The following PADI3 variants were observed in gnomAD, a reference collection of about 807,000 sequenced individuals.
The protein encoded by PADI3 is peptidyl arginine deiminase 3.
In PADI3, 53 loss-of-function variants were observed where a neutral mutation model predicts 71.5. That is an observed-to-expected ratio of 0.74 (90% CI 0.59 to 0.93). PADI3 has a LOEUF of 0.93. Among genes scored for constraint, PADI3 ranks in the 40% least tolerant of loss-of-function variants. The probability of loss-of-function intolerance (pLI) is 0.00; values close to 1 mark genes in which losing one functional copy is unlikely to be tolerated. For missense variants in PADI3, 821 were observed against 868.0 expected (o/e 0.95, Z 0.68); for synonymous variants, 361 against 347.5 (o/e 1.04, Z -0.43).
chr1:17,268,871 C>T (rs1458179072), intron 6 of PADI3, among the ~76,000 whole-genome samples: 1 of 149,318 alleles, frequency 6.7e-6, no homozygotes, highest in East Asian at 2.0e-4. Flanking sequence ...GTTCTCTACC[C>T]GTCTCTAAAT....
At position 17,276,797 on chromosome 1, in the gene PADI3, C is replaced by G. The variant is rs1408344177; in HGVS notation, c.1476C>G (p.Ser492Arg). The G allele has an allele frequency of 1.2e-6, 2 of 1,613,582 alleles. No homozygotes were observed. The highest frequency in any genetic ancestry group is 2.7e-5 in the African/African-American group (2 of 74,934). ...AGGGCTTCCGGATGCTCCTGGCCAG[C>G]CCTGGGGCCTGCTTCAAGCTCTTCC... is the stretch of plus-strand genomic sequence containing the variant. ...DGKGFRMLLA[S>R]PGACFKLFQE... The change falls in exon 13 of 16, where the codon AGC (serine) becomes AGG (arginine). Residue 492 changes from serine to arginine, a missense_variant. By Grantham distance (110) the Ser-to-Arg change is moderately radical. Transcript: ENST00000375460.
intron 9 of PADI3, among the ~76,000 whole-genome samples, chr1:17,272,422 C>A (rs996153085): frequency 2.0e-5 from 3 of 152,192 alleles, no homozygotes; most frequent in Non-Finnish European, 2.9e-5. Context: ...GGTTTAGAGC[C>A]TGGCTGTGCC....
In PADI3 at chr1:17,280,374, C is replaced by T. The variant is rs1252282738; in HGVS notation, c.1580C>T (p.Ser527Phe). The change falls in exon 14 of 16, where the codon TCC becomes TTC. Residue 527 changes from serine to phenylalanine, a missense_variant. Transcript: ENST00000375460. Reference protein sequence around the residue: ...VVDDEQVKTISINQVLSNKDL... With the variant: ...VVDDEQVKTIFINQVLSNKDL... ...GATGATGAGCAGGTCAAGACCATCTCCATCAACCAGGTGCTCTCCAATAAA... is the reference window on the plus strand; with the variant it reads ...GATGATGAGCAGGTCAAGACCATCTTCATCAACCAGGTGCTCTCCAATAAA... 1 of 1,613,890 alleles carries T rather than the reference C, an allele frequency of 6.2e-7. No individual in the cohort carries two copies. The highest frequency in any genetic ancestry group is 8.5e-7 in the Non-Finnish European group (1 of 1,179,858).
chr1:17,251,729 G>A (rs753408973), intron 1 of PADI3, among the ~76,000 whole-genome samples: 1 of 152,188 alleles, frequency 6.6e-6, no homozygotes, highest in Non-Finnish European at 1.5e-5. Flanking sequence ...TGTGTGCAAA[G>A]CATGTAACTA....
At chr1:17,274,814 C>T (rs780992324) in intron 11 of PADI3, 28 bp downstream of exon 11, 44 of 1,607,596 alleles carry the variant, frequency 2.7e-5, no homozygotes, top group African/African-American at 4.0e-5. Flanking sequence ...AATGGAGTTC[C>T]TGGGGTGGAG....
chr1:17,271,854 A>AAAAAGAG (rs1553135554), intron 9 of PADI3, among the ~76,000 whole-genome samples: 3 of 132,320 alleles, frequency 2.3e-5, no homozygotes, highest in African/African-American at 8.8e-5. Context: ...AAAAAAAAAA[A>AAAAAGAG]AGAGAGAGAG....
At chr1:17,257,760 G>C (rs1392263581) in intron 1 of PADI3, among the ~76,000 whole-genome samples, 2 of 152,184 alleles carry the variant, frequency 1.3e-5, no homozygotes, top group South Asian at 4.1e-4. Flanking sequence ...GATGGGAAGC[G>C]GGGGGAGTGG....
chr1:17,255,607 G>A (rs371459718), intron 1 of PADI3, among the ~76,000 whole-genome samples: 1 of 152,176 alleles, frequency 6.6e-6, no homozygotes, highest in Non-Finnish European at 1.5e-5. Flanking sequence ...CCTGATGCAG[G>A]TTCTCCTCCC....
At chr1:17,252,889 GGGC>G (rs1200171906) in intron 1 of PADI3, among the ~76,000 whole-genome samples, 37 of 152,176 alleles carry the variant, frequency 2.4e-4, no homozygotes, top group Non-Finnish European at 2.8e-4. Context: ...TGTGGCTGAG[GGGC>G]CCGCGAAGCT....
chr1:17,281,427 T>G (rs903639226), intron 15 of PADI3, among the ~76,000 whole-genome samples: 1 of 149,482 alleles, frequency 6.7e-6, no homozygotes, highest in Non-Finnish European at 1.5e-5. Flanking sequence ...CTCTGATGCT[T>G]GTAAATCTTT....
At chr1:17,270,828 G>C (rs1400806984) in intron 7 of PADI3, 51 bp from the exon 8 acceptor site, 1 of 1,321,914 alleles carries the variant, frequency 7.6e-7, no homozygotes, top group Non-Finnish European at 1.1e-6. Context: ...GTCCCCCCAG[G>C]CCTCTGGACT....
Position 17,284,073 on chromosome 1 carries a change from C to T in PADI3, c.*994C>T, listed in dbSNP as rs2073438067. The T allele has an allele frequency of 6.6e-6, 1 of 151,040 alleles. No homozygotes were observed. The highest frequency in any genetic ancestry group is 2.4e-5 in the African/African-American group (1 of 40,924). The allele number at this position is 151,040 out of a possible 1,614,324, so 9.4% of individuals were successfully genotyped here. ...GGAGAGGGGGCTAAGGGGCTGGATC[C>T]ACCAAGGCAGCTCACAGCGGGAAAA... On this transcript the variant is annotated 3_prime_UTR_variant, in exon 16 of 16. Transcript: ENST00000375460.
chr1:17,253,321 C>G (rs2072988330), intron 1 of PADI3, among the ~76,000 whole-genome samples: 1 of 152,144 alleles, frequency 6.6e-6, no homozygotes, highest in Non-Finnish European at 1.5e-5. Flanking sequence ...GCAGAGGGGC[C>G]CAGCGCACAC....
At chr1:17,275,864 C>T (rs2100596737) in intron 11 of PADI3, among the ~76,000 whole-genome samples, 1 of 152,310 alleles carries the variant, frequency 6.6e-6, no homozygotes, top group East Asian at 1.9e-4. Flanking sequence ...CCCTTAGATA[C>T]ATTTTCGTAA....
intron 2 of PADI3, 41 bp downstream of exon 2, chr1:17,259,799 A>G: frequency 1.3e-6 from 2 of 1,544,122 alleles, no homozygotes; most frequent in Non-Finnish European, 1.8e-6. Context: ...GTTTCGAGGG[A>G]GGCAGCTGTC....
At chr1:17,261,637 C>G (rs566679896) in intron 2 of PADI3, among the ~76,000 whole-genome samples, 1 of 152,236 alleles carries the variant, frequency 6.6e-6, no homozygotes, top group Non-Finnish European at 1.5e-5. Flanking sequence ...GCATTACAAG[C>G]CTCTGAGGTA....
At chr1:17,251,304 G>T (rs2072963101) in intron 1 of PADI3, among the ~76,000 whole-genome samples, 1 of 152,170 alleles carries the variant, frequency 6.6e-6, no homozygotes, top group South Asian at 2.1e-4. Flanking sequence ...CGGCTTGGAG[G>T]TGCCATGATG....
At chr1:17,251,314 G>T (rs1322744620) in intron 1 of PADI3, among the ~76,000 whole-genome samples, 1 of 152,188 alleles carries the variant, frequency 6.6e-6, no homozygotes, top group African/African-American at 2.4e-5. Context: ...GTGCCATGAT[G>T]TAACAATCCT....
intron 1 of PADI3, among the ~76,000 whole-genome samples, chr1:17,257,173 CT>C (rs2073039569): frequency 6.6e-6 from 1 of 151,850 alleles, no homozygotes; most frequent in Non-Finnish European, 1.5e-5. Context: ...CTCTTTCCGA[CT>C]CCCTGTCTCT....
Sources: gnomAD v4.1 joint callset for allele counts (sites outside exome capture counted in the v4.1 genomes callset) on GRCh38, gnomAD v4.1.1 for gene constraint, MANE v1.5 for transcripts, NCBI Gene and HGNC (gene_info 2026-07-23, HGNC 2026-07-21) for gene names.